Variants in IL36B observed in about 807,000 individuals in gnomAD.
The protein encoded by IL36B is interleukin-36 beta.
Under a neutral mutation model 19.3 loss-of-function variants are expected in IL36B, and 23 were observed. The ratio of observed to expected loss-of-function variants is 1.19; its 90% CI spans 0.86 to 1.69. The LOEUF is 1.69. Ranked by LOEUF, IL36B falls within the 40% of genes most tolerant of loss-of-function variation. The pLI, the probability that IL36B is intolerant of heterozygous loss-of-function variation, is 0.00. For synonymous variants in IL36B, 59 were observed against 59.7 expected, an observed-to-expected ratio of 0.99 and a Z score of 0.05; for missense variants, 217 against 200.5, an observed-to-expected ratio of 1.08 and a Z score of -0.50.
intron 4 of IL36B, among the ~76,000 whole-genome samples, chr2:113,026,817 T>C (rs894208565): frequency 2.6e-5 from 4 of 152,316 alleles, no homozygotes; most frequent in African/African-American, 9.6e-5. Context: ...GTTCTAGAAG[T>C]TGTCTGAAAG....
intron 1 of IL36B, among the ~76,000 whole-genome samples, chr2:113,048,452 C>CA (rs1285580384): frequency 1.3e-5 from 2 of 151,836 alleles, no homozygotes; most frequent in African/African-American, 4.8e-5. Context: ...AAACAAAAAA[C>CA]AAAAAACACC....
At chr2:113,039,886 C>T (rs796875050) in intron 1 of IL36B, among the ~76,000 whole-genome samples, 1 of 151,906 alleles carries the variant, frequency 6.6e-6, no homozygotes, top group Non-Finnish European at 1.5e-5. Context: ...CTGCTGACAT[C>T]GGTGAATAAG....
In IL36B at chr2:113,041,147, A is replaced by G. The variant is rs1423645037; in HGVS notation, c.-57-9381T>C. On this transcript the variant is annotated intron_variant, in intron 1 of 5. Coordinates refer to ENST00000259213, the MANE Select transcript of IL36B (RefSeq NM_014438.5). ...CTCCAGCCCTGGGTGACAGAGCAAGACTTTGCCACACACAAAAAAAAAGGA... is the reference window on the plus strand; with the variant it reads ...CTCCAGCCCTGGGTGACAGAGCAAGGCTTTGCCACACACAAAAAAAAAGGA... Among the ~76,000 whole-genome samples the G allele has an allele frequency of 3.4e-5, 3 of 89,236 alleles. No individual in the cohort carries two copies. The Admixed American group carries it at 4.1e-4, about 12-fold the overall frequency. 58.5% of individuals were successfully genotyped at this position (89,236 alleles called of 152,430 possible).
intron 1 of IL36B, among the ~76,000 whole-genome samples, chr2:113,051,481 C>T (rs538804576): frequency 1.0e-3 from 159 of 152,294 alleles, no homozygotes; most frequent in Non-Finnish European, 9.0e-4. Context: ...ACTGCCCACG[C>T]GCTCTCTCAG....
chr2:113,032,133 CTGTGTGTGTGTGTGTGTGTG>C (rs56385654), intron 1 of IL36B, among the ~76,000 whole-genome samples: 1 of 143,922 alleles, frequency 6.9e-6, no homozygotes, highest in Non-Finnish European at 1.5e-5. Context: ...GTGTGTGTGT[CTGTGTGTGTGTGTGTGTGTG>C]TGTGTGTGTG....
At chr2:113,029,739 TA>T (rs1175841601) in intron 3 of IL36B, among the ~76,000 whole-genome samples, 7 of 152,070 alleles carry the variant, frequency 4.6e-5, no homozygotes, top group Admixed American at 1.3e-4. Context: ...GTTGGAAGTG[TA>T]AACGGCAGAG....
chr2:113,031,609 T>TA (rs1685077606), intron 2 of IL36B, 88 bp downstream of exon 2: 26 of 1,146,554 alleles, frequency 2.3e-5, no homozygotes, highest in South Asian at 1.5e-4. Flanking sequence ...ATTTATAGCT[T>TA]AGCAAATGAT....
chr2:113,042,997 G>T (rs1019136664), intron 1 of IL36B, among the ~76,000 whole-genome samples: 2 of 151,816 alleles, frequency 1.3e-5, no homozygotes, highest in Non-Finnish European at 2.9e-5. Context: ...ATAGCTCATT[G>T]CTATTTTATT....
At chr2:113,042,519 G>A (rs747108191) in intron 1 of IL36B, among the ~76,000 whole-genome samples, 1 of 152,118 alleles carries the variant, frequency 6.6e-6, no homozygotes, top group African/African-American at 2.4e-5. Context: ...GGAATCTACA[G>A]ATCTGCTTTC....
At chr2:113,033,345 C>A (rs1032617940) in intron 1 of IL36B, among the ~76,000 whole-genome samples, 2 of 152,184 alleles carry the variant, frequency 1.3e-5, no homozygotes, top group Non-Finnish European at 2.9e-5. Context: ...GATTCTCCTG[C>A]CTCAGCCTCC....
rs375683599 is a variant in IL36B at position 113,028,033 on chromosome 2, G to A, written c.261+906C>T. Reference sequence around the variant, plus strand: ...AGGGTAAGAGACTGACTGAAAGACAGAAGTGGAGCCTTCTTTATTGTGGAA... The same window carrying A: ...AGGGTAAGAGACTGACTGAAAGACAAAAGTGGAGCCTTCTTTATTGTGGAA... On this transcript the variant is annotated intron_variant, in intron 4 of 5. Coordinates refer to ENST00000259213, the MANE Select transcript of IL36B (RefSeq NM_014438.5). 1.2e-5 allele frequency: 20 copies of A among 1,614,054 alleles called. No homozygotes were observed. The African/African-American group carries it at 2.5e-4, about 20-fold the overall frequency.
At chr2:113,032,082 T>C (rs1292979603) in intron 1 of IL36B, among the ~76,000 whole-genome samples, 1 of 152,010 alleles carries the variant, frequency 6.6e-6, no homozygotes, top group Non-Finnish European at 1.5e-5. Flanking sequence ...TCTAGTACTC[T>C]GAGTCTCTGG....
At chr2:113,048,540 A>G (rs1217554316) in intron 1 of IL36B, among the ~76,000 whole-genome samples, 1 of 152,204 alleles carries the variant, frequency 6.6e-6, no homozygotes, top group Non-Finnish European at 1.5e-5. Flanking sequence ...GAAAAGAAGA[A>G]AGACGTCAAA....
intron 1 of IL36B, among the ~76,000 whole-genome samples, chr2:113,043,647 G>A (rs967413720): frequency 2.2e-4 from 34 of 151,930 alleles, no homozygotes; most frequent in African/African-American, 4.4e-4. Context: ...TGCAACCTCC[G>A]CTCCCCAGGT....
chr2:113,052,017 C>T (rs1482230694), intron 1 of IL36B, among the ~76,000 whole-genome samples: 1 of 151,424 alleles, frequency 6.6e-6, no homozygotes, highest in East Asian at 1.9e-4. Flanking sequence ...GACATGATCT[C>T]AGGTCACTGC....
chr2:113,051,269 G>T (rs1043998818), intron 1 of IL36B, among the ~76,000 whole-genome samples: 1 of 152,252 alleles, frequency 6.6e-6, no homozygotes, highest in Non-Finnish European at 1.5e-5. Flanking sequence ...GTCCGGCGGA[G>T]GCGAGTCCGC....
At chr2:113,033,234 C>CT (rs548110683) in intron 1 of IL36B, among the ~76,000 whole-genome samples, 8 of 151,636 alleles carry the variant, frequency 5.3e-5, no homozygotes, top group South Asian at 4.2e-4. Context: ...GCTACATTTA[C>CT]TTTTTTTTTG....
At chr2:113,024,762 G>A (rs1684923211) in intron 5 of IL36B, among the ~76,000 whole-genome samples, 1 of 152,156 alleles carries the variant, frequency 6.6e-6, no homozygotes, top group Admixed American at 6.5e-5. Flanking sequence ...ATATTTATAA[G>A]CACTGTCCAG....
At chr2:113,032,079 C>A (rs912981002) in intron 1 of IL36B, among the ~76,000 whole-genome samples, 52 of 151,728 alleles carry the variant, frequency 3.4e-4, no homozygotes, top group Non-Finnish European at 8.8e-5. Flanking sequence ...CCTTCTAGTA[C>A]TCTGAGTCTC....
Sources: allele counts gnomAD v4.1 joint callset (sites outside exome capture counted in the v4.1 genomes callset), GRCh38; gene constraint gnomAD v4.1.1; transcripts MANE v1.5; gene names NCBI Gene and HGNC (gene_info 2026-07-23, HGNC 2026-07-21).